Variants in ZMYM1 observed in about 807,000 individuals in gnomAD.
The protein encoded by ZMYM1 is zinc finger MYM-type protein 1.
A neutral mutation model predicts 60.0 loss-of-function variants in ZMYM1; 39 were observed. The ratio of observed to expected loss-of-function variants is 0.65; its 90% CI spans 0.50 to 0.85. ZMYM1 has a LOEUF of 0.85. ZMYM1 is among the 40% of genes least tolerant of loss of function. The probability of loss-of-function intolerance (pLI) is 0.00; values close to 1 mark genes in which losing one functional copy is unlikely to be tolerated. For missense variants in ZMYM1, 1,171 were observed against 1,309.5 expected (o/e 0.89, Z 1.63); for synonymous variants, 413 against 454.0 (o/e 0.91, Z 1.15).
In ZMYM1 at chr1:35,095,879, T is replaced by C. The variant is rs745912169; in HGVS notation, c.157T>C (p.Phe53Leu). 4 of 1,608,178 alleles carry C rather than the reference T, an allele frequency of 2.5e-6. No individual in the cohort carries two copies. The highest frequency in any genetic ancestry group is 1.6e-4 in the Middle Eastern group (1 of 6,068). ...GAATGAACTGAAAATAAATGCTGTG[T>C]TTTCAGAGAGTGGTAATAGAATTAT... The part of the protein sequence containing the change: ...QENELKINAV[F>L]SESASQLTAG... The change falls in exon 3 of 10, where the codon TTT becomes CTT. Residue 53 changes from phenylalanine to leucine, a missense_variant. Transcript: ENST00000359858.
chr1:35,101,011 C>G (rs935007731), intron 4 of ZMYM1, among the ~76,000 whole-genome samples: 2 of 151,976 alleles, frequency 1.3e-5, no homozygotes, highest in African/African-American at 4.8e-5. Flanking sequence ...CCATGTTGTC[C>G]AGACTGGTCT....
At position 35,094,016 on chromosome 1, in the gene ZMYM1, G is replaced by A. The variant is rs189461736; in HGVS notation, c.29G>A (p.Cys10Tyr). The A allele has an allele frequency of 7.6e-5, 123 of 1,609,992 alleles. 1 individual carries two copies. The East Asian group carries it at 2.7e-3, about 36-fold the overall frequency. Residue 10 changes from cysteine to tyrosine, a missense_variant, in exon 2 of 10, where the codon TGT becomes TAT. By Grantham distance (194) the Cys-to-Tyr change is radical (BLOSUM62 -2). Coordinates refer to ENST00000359858, the MANE Select transcript of ZMYM1 (RefSeq NM_024772.5). Reference sequence around the variant, plus strand: ...AAAGAACCACTTTTAGGTGGTGAGTGTGACAAGGCAGTGGCATCACAGCTG... The same window carrying A: ...AAAGAACCACTTTTAGGTGGTGAGTATGACAAGGCAGTGGCATCACAGCTG... MKEPLLGGE[C>Y]DKAVASQLGL...
In ZMYM1 at chr1:35,064,092, G is replaced by A. The variant is rs1045217702; in HGVS notation, c.-301+4167G>A. ...TGTAATCCCAGCACTTTGGGAGGCC[G>A]AGGCTGGTGGATCACGAGGTCAGGA... On this transcript the variant is annotated intron_variant, in intron 1 of 10. Transcript: ENST00000417119. 3.3e-5 allele frequency among the ~76,000 whole-genome samples: 5 copies of A among 152,090 alleles called. No individual in the cohort carries two copies. The East Asian group carries it at 5.8e-4, about 18-fold the overall frequency.
chr1:35,077,646 C>A (rs1459204657), upstream of ZMYM1, among the ~76,000 whole-genome samples: 1 of 152,110 alleles, frequency 6.6e-6, no homozygotes, highest in African/African-American at 2.4e-5. Context: ...TTGTGGCCCC[C>A]ACCAGGGAAC....
rs1000738282 is a variant in ZMYM1 at position 35,068,444 on chromosome 1, AAAG to A, written c.-301+8531_-301+8533del. Among the ~76,000 whole-genome samples the A allele has an allele frequency of 1.8e-4, 27 of 151,090 alleles. No individual in the cohort carries two copies. The South Asian group carries it at 4.4e-3, about 24-fold the overall frequency. Reference sequence around the variant, plus strand: ...AAAAAAAAAAAAAAAAGAAAAGAAAAAAGAAGAAGAAGAAAAGAAACTGTGGTA... The same window carrying A: ...AAAAAAAAAAAAAAAAGAAAAGAAAAAAGAAGAAGAAAAGAAACTGTGGTA... On this transcript the variant is annotated intron_variant, in intron 1 of 10. Transcript: ENST00000417119.
At chr1:35,108,256 T>C (rs1643960295) in intron 6 of ZMYM1, among the ~76,000 whole-genome samples, 1 of 152,260 alleles carries the variant, frequency 6.6e-6, no homozygotes, top group Non-Finnish European at 1.5e-5. Flanking sequence ...TTATCCTTTT[T>C]GTTTTGTTGT....
chr1:35,083,488 G>C (rs930612995), intron 1 of ZMYM1, among the ~76,000 whole-genome samples: 17 of 152,150 alleles, frequency 1.1e-4, no homozygotes, highest in Admixed American at 1.3e-4. Flanking sequence ...GTTTTCACCA[G>C]TGTAACTATG....
intron 1 of ZMYM1, among the ~76,000 whole-genome samples, chr1:35,086,047 T>C (rs912150333): frequency 1.3e-5 from 2 of 152,224 alleles, no homozygotes; most frequent in African/African-American, 4.8e-5. Flanking sequence ...AAATTTTCAA[T>C]GATGACAGAA....
intron 1 of ZMYM1, among the ~76,000 whole-genome samples, chr1:35,065,314 A>G (rs1469122977): frequency 6.6e-6 from 1 of 151,858 alleles, no homozygotes; most frequent in East Asian, 1.9e-4. Flanking sequence ...AATGACTTTT[A>G]TGACCCATTT....
At chr1:35,085,155 C>T (rs796762447) in intron 1 of ZMYM1, among the ~76,000 whole-genome samples, 3 of 152,136 alleles carry the variant, frequency 2.0e-5, no homozygotes, top group Admixed American at 6.6e-5. Context: ...TCACGCCCTT[C>T]TCCTGCCTCA....
chr1:35,094,429 T>C (rs1215552989), intron 2 of ZMYM1, among the ~76,000 whole-genome samples: 1 of 152,208 alleles, frequency 6.6e-6, no homozygotes, highest in Non-Finnish European at 1.5e-5. Flanking sequence ...TAATACAAAT[T>C]ACATTTTTTA....
In ZMYM1 at chr1:35,113,018, T is replaced by G. The variant is rs748885283; in HGVS notation, c.1188T>G (p.Ala396=). The G allele has an allele frequency of 1.2e-6, 2 of 1,606,812 alleles. No homozygotes were observed. Among genetic ancestry groups the G allele is most frequent in the Non-Finnish European group, 1.7e-6 (2 of 1,177,458 alleles). The change falls in exon 10 of 10, where the codon GCT becomes GCG. Residue 396 remains alanine, a synonymous_variant. Coordinates refer to ENST00000359858, the MANE Select transcript of ZMYM1 (RefSeq NM_024772.5). The stretch of plus-strand genomic sequence containing the variant: ...CTAGTGAACCCAGTAATGCTGTTGC[T>G]AGTAGTAGTACGGAACAGCCAAGCG... The part of the protein sequence containing the change: ...SSPSEPSNAV[A]SSSTEQPSVS...
chr1:35,088,892 A>G (rs1321481306), intron 1 of ZMYM1, among the ~76,000 whole-genome samples: 2 of 148,572 alleles, frequency 1.3e-5, no homozygotes, highest in East Asian at 4.0e-4. Flanking sequence ...GCTCACTGCA[A>G]CCTCTGCCTC....
chr1:35,111,268 G>C (rs967262449), intron 7 of ZMYM1, among the ~76,000 whole-genome samples: 11 of 152,192 alleles, frequency 7.2e-5, no homozygotes, highest in Non-Finnish European at 1.3e-4. Flanking sequence ...TGTAGGACCA[G>C]TGGTGCTATT....
intron 6 of ZMYM1, among the ~76,000 whole-genome samples, chr1:35,106,621 A>C (rs1643895901): frequency 6.6e-6 from 1 of 151,546 alleles, no homozygotes; most frequent in Non-Finnish European, 1.5e-5. Context: ...AAAAAAAAAA[A>C]AAAAAAAAAA....
intron 4 of ZMYM1, among the ~76,000 whole-genome samples, chr1:35,101,388 A>G (rs1005963863): frequency 6.7e-6 from 1 of 150,280 alleles, no homozygotes; most frequent in African/African-American, 2.5e-5. Flanking sequence ...CATGTGAGCC[A>G]CCGTGCCTGG....
At chr1:35,071,351 A>C (rs2148478595) in intron 1 of ZMYM1, among the ~76,000 whole-genome samples, 2 of 152,024 alleles carry the variant, frequency 1.3e-5, no homozygotes, top group Non-Finnish European at 2.9e-5. Flanking sequence ...TTTTGGAGTC[A>C]GGGTCGGGTC....
intron 1 of ZMYM1, among the ~76,000 whole-genome samples, chr1:35,085,014 T>C (rs1340509021): frequency 6.6e-6 from 1 of 151,950 alleles, no homozygotes. Flanking sequence ...GGCTACTCTG[T>C]TATGCCTGGA....
chr1:35,113,486 G>A lies in ZMYM1; in HGVS notation c.1656G>A (p.Lys552=). Residue 552 remains lysine (K), a synonymous_variant, in exon 10 of 10, where the codon AAG becomes AAA. Transcript: ENST00000359858. Reference sequence around the variant, plus strand: ...CGAAACAGATTGAGGGAAATAAAAAGTACCTAAAGCTTATAATTGAAAATA... The same window carrying A: ...CGAAACAGATTGAGGGAAATAAAAAATACCTAAAGCTTATAATTGAAAATA... ...IHSKQIEGNK[K]YLKLIIENIL... 6.2e-7 allele frequency: 1 copy of A among 1,611,622 alleles called. No homozygotes were observed. The highest frequency in any genetic ancestry group is 8.5e-7 in the Non-Finnish European group (1 of 1,179,398).
Sources: allele counts gnomAD v4.1 joint callset (sites outside exome capture counted in the v4.1 genomes callset), GRCh38; gene constraint gnomAD v4.1.1; transcripts MANE v1.5; gene names NCBI Gene and HGNC (gene_info 2026-07-23, HGNC 2026-07-21).